Variants in MARCHF1 observed in about 807,000 individuals in gnomAD.
The protein encoded by MARCHF1 is E3 ubiquitin-protein ligase MARCHF1.
MARCHF1 carries 40 observed loss-of-function variants against 54.2 expected under a neutral mutation model. The observed-to-expected ratio is 0.74, with a 90% CI of 0.57 to 0.96. MARCHF1 has a LOEUF of 0.96. Among genes scored for constraint, MARCHF1 ranks in the 40% least tolerant of loss-of-function variants. The probability of loss-of-function intolerance (pLI) is 0.00; values close to 1 mark genes in which losing one functional copy is unlikely to be tolerated. For synonymous variants in MARCHF1, 236 were observed against 236.3 expected, an observed-to-expected ratio of 1.00 and a Z score of 0.01; for missense variants, 586 against 656.5, an observed-to-expected ratio of 0.89 and a Z score of 1.17.
intron 3 of MARCHF1, among the ~76,000 whole-genome samples, chr4:163,960,632 C>A (rs186440183): frequency 2.2e-4 from 34 of 151,704 alleles, no homozygotes. Flanking sequence ...AAGAAGGGAA[C>A]AACAGACACT....
intron 1 of MARCHF1, among the ~76,000 whole-genome samples, chr4:164,346,133 T>G (rs1241888573): frequency 6.6e-6 from 1 of 152,192 alleles, no homozygotes; most frequent in Non-Finnish European, 1.5e-5. Context: ...TCTTTGGGTA[T>G]CAGAACTGAG....
At chr4:164,356,813 T>C (rs1009973421) in intron 1 of MARCHF1, among the ~76,000 whole-genome samples, 19 of 132,696 alleles carry the variant, frequency 1.4e-4, no homozygotes, top group African/African-American at 5.1e-4. Flanking sequence ...TTAACACTTT[T>C]GTCCATTGTA....
intron 1 of MARCHF1, among the ~76,000 whole-genome samples, chr4:164,308,764 G>A (rs959716323): frequency 1.3e-5 from 2 of 151,982 alleles, no homozygotes; most frequent in African/African-American, 4.8e-5. Context: ...GAGAATTCAT[G>A]GACACAAGAG....
At chr4:163,609,621 G>GTA (rs1404520155) in intron 7 of MARCHF1, among the ~76,000 whole-genome samples, 5,681 of 148,710 alleles carry the variant, frequency 0.038, 166 homozygotes, top group Non-Finnish European at 0.063. Context: ...GTGTGTGTGT[G>GTA]TGTATATATA....
intron 3 of MARCHF1, among the ~76,000 whole-genome samples, chr4:163,955,536 T>C (rs2110795006): frequency 6.6e-6 from 1 of 152,252 alleles, no homozygotes. Flanking sequence ...GTGACTGTGC[T>C]GTGCTTCTCA....
chr4:164,340,238 C>CTT (rs913330880), intron 1 of MARCHF1, among the ~76,000 whole-genome samples: 1 of 141,948 alleles, frequency 7.0e-6, no homozygotes. Context: ...ACTCATTTTT[C>CTT]TTTTTTTTTT....
At chr4:163,566,918 A>G (rs1453843270) in intron 8 of MARCHF1, among the ~76,000 whole-genome samples, 1 of 152,176 alleles carries the variant, frequency 6.6e-6, no homozygotes, top group Non-Finnish European at 1.5e-5. Flanking sequence ...ACAAGTATAA[A>G]GCCATAATTT....
chr4:164,183,769 C>T (rs1016095645), intron 1 of MARCHF1, among the ~76,000 whole-genome samples: 4 of 152,132 alleles, frequency 2.6e-5, no homozygotes, highest in Non-Finnish European at 5.9e-5. Context: ...AACCCGGATT[C>T]AAATAAAGTG....
At chr4:163,870,480 G>GAC (rs1750145432) in intron 3 of MARCHF1, among the ~76,000 whole-genome samples, 1 of 151,966 alleles carries the variant, frequency 6.6e-6, no homozygotes, top group Non-Finnish European at 1.5e-5. Flanking sequence ...CCACAGAAAA[G>GAC]ACACATTATT....
intron 3 of MARCHF1, among the ~76,000 whole-genome samples, chr4:163,915,283 C>T (rs1751282719): frequency 6.6e-6 from 1 of 152,030 alleles, no homozygotes; most frequent in Non-Finnish European, 1.5e-5. Context: ...AAAAATGGCA[C>T]TTTACCTTGC....
chr4:164,294,244 C>T (rs909508632), intron 1 of MARCHF1, among the ~76,000 whole-genome samples: 3 of 152,316 alleles, frequency 2.0e-5, no homozygotes, highest in East Asian at 3.9e-4. Flanking sequence ...TCTTGCTCCT[C>T]AGCTTGCAGA....
At chr4:163,848,583 A>C (rs1749552108) in intron 4 of MARCHF1, among the ~76,000 whole-genome samples, 1 of 152,044 alleles carries the variant, frequency 6.6e-6, no homozygotes, top group Non-Finnish European at 1.5e-5. Context: ...TGAAACTCTT[A>C]TTTGATTCAG....
At chr4:164,112,254 T>C (rs903388442) in intron 1 of MARCHF1, among the ~76,000 whole-genome samples, 2 of 151,882 alleles carry the variant, frequency 1.3e-5, no homozygotes, top group African/African-American at 2.4e-5. Context: ...ACCTCTATTA[T>C]CCCTTTGTAT....
chr4:163,554,827 AATG>A (rs777839568), intron 8 of MARCHF1, among the ~76,000 whole-genome samples: 5 of 152,196 alleles, frequency 3.3e-5, no homozygotes, highest in Non-Finnish European at 7.3e-5. Flanking sequence ...CAGTCAACTA[AATG>A]ATGATTAAGA....
chr4:163,558,387 G>A (rs1270490710), intron 8 of MARCHF1, among the ~76,000 whole-genome samples: 1 of 152,212 alleles, frequency 6.6e-6, no homozygotes, highest in East Asian at 1.9e-4. Flanking sequence ...GCAGTAGGAA[G>A]AGTTTTTCTG....
intron 2 of MARCHF1, among the ~76,000 whole-genome samples, chr4:164,102,687 T>C (rs1755594101): frequency 6.6e-6 from 1 of 150,944 alleles, no homozygotes; most frequent in African/African-American, 2.4e-5. Context: ...CCATCGAGAC[T>C]AGGAAGAAAC....
At position 164,190,231 on chromosome 4, in the gene MARCHF1, A is replaced by G; in HGVS notation, c.-322-78569T>C. 2.2e-6 allele frequency: 3 copies of G among 1,347,532 alleles called. No homozygotes were observed. The South Asian group carries it at 3.7e-5, about 17-fold the overall frequency. The allele number at this position is 1,347,532 out of a possible 1,614,324, so 83.5% of individuals were successfully genotyped here. On this transcript the variant is annotated intron_variant, in intron 1 of 9. Transcript: ENST00000514618. ...GACATTGAAGACTTCGAAGCTAACAAGAAGGAACTGGAAGAAATTGTTCAG... is the reference window on the plus strand; with the variant it reads ...GACATTGAAGACTTCGAAGCTAACAGGAAGGAACTGGAAGAAATTGTTCAG...
intron 9 of MARCHF1, among the ~76,000 whole-genome samples, chr4:163,538,720 C>A (rs1016735529): frequency 6.6e-6 from 1 of 152,176 alleles, no homozygotes; most frequent in Non-Finnish European, 1.5e-5. Context: ...GTCTTTACAT[C>A]TTTATCCACC....
chr4:163,570,367 C>CATCA, intron 8 of MARCHF1, among the ~76,000 whole-genome samples: 1 of 152,156 alleles, frequency 6.6e-6, no homozygotes, highest in African/African-American at 2.4e-5. Flanking sequence ...CTACAAAATA[C>CATCA]TTTTACTGAC....
Sources: gnomAD v4.1 joint callset for allele counts (sites outside exome capture counted in the v4.1 genomes callset) on GRCh38, gnomAD v4.1.1 for gene constraint, MANE v1.5 for transcripts, NCBI Gene and HGNC (gene_info 2026-07-23, HGNC 2026-07-21) for gene names.